BICDL1: variants seen among roughly 807,000 people sequenced by gnomAD.
BICDL1 encodes BICD family-like cargo adapter 1.
BICDL1 carries 20 observed loss-of-function variants against 76.8 expected under a neutral mutation model. The ratio of observed to expected loss-of-function variants is 0.26; its 90% CI spans 0.18 to 0.38. BICDL1 has a LOEUF of 0.38. Among genes scored for constraint, BICDL1 ranks in the 10% least tolerant of loss-of-function variants. The probability of loss-of-function intolerance (pLI) is 1.00; values close to 1 mark genes in which losing one functional copy is unlikely to be tolerated. For synonymous variants in BICDL1, 383 were observed against 337.1 expected (o/e 1.14, Z -1.49); for missense variants, 700 against 798.6 (o/e 0.88, Z 1.49).
At chr12:120,085,264 G>A (rs545860289) in intron 8 of BICDL1, among the ~76,000 whole-genome samples, 3 of 152,196 alleles carry the variant, frequency 2.0e-5, no homozygotes, top group African/African-American at 7.2e-5. Context: ...TGGCCAACAT[G>A]GTGAAACCCC....
rs548526347 is a variant in BICDL1 at position 119,998,898 on chromosome 12, T to A, written c.645+162T>A. Among the ~76,000 whole-genome samples the A allele has an allele frequency of 1.4e-4, 22 of 151,896 alleles. 1 individual carries two copies. In the South Asian group the frequency reaches 4.4e-3, roughly 30 times the overall value. On this transcript the variant is annotated intron_variant, in intron 2 of 9. Transcript: ENST00000548673. ...AGGGAGACCTCATCTCTACAAAAGTTTTTTAAAAATTAGCCAGGCATGGTG... is the reference window on the plus strand; with the variant it reads ...AGGGAGACCTCATCTCTACAAAAGTATTTTAAAAATTAGCCAGGCATGGTG...
chr12:120,077,643 T>C (rs949496048), intron 7 of BICDL1, among the ~76,000 whole-genome samples: 1 of 152,188 alleles, frequency 6.6e-6, no homozygotes, highest in Non-Finnish European at 1.5e-5. Context: ...GCCTGTGGGC[T>C]TCACTCGCCA....
At chr12:120,055,457 TA>T in intron 2 of BICDL1, among the ~76,000 whole-genome samples, 1 of 152,166 alleles carries the variant, frequency 6.6e-6, no homozygotes, top group Non-Finnish European at 1.5e-5. Flanking sequence ...GGGGAGGAAG[TA>T]ATCTGTCCTA....
At chr12:120,028,310 T>C (rs1254745765) in intron 2 of BICDL1, among the ~76,000 whole-genome samples, 1 of 152,196 alleles carries the variant, frequency 6.6e-6, no homozygotes, top group Non-Finnish European at 1.5e-5. Context: ...CTTCTTAGGC[T>C]CTTCTGTTTC....
chr12:120,059,131 T>C (rs1408280474), intron 2 of BICDL1, among the ~76,000 whole-genome samples: 2 of 152,178 alleles, frequency 1.3e-5, no homozygotes, highest in Non-Finnish European at 2.9e-5. Context: ...AGTCTTGCTC[T>C]GTTGCCCAGG....
chr12:120,022,174 C>T (rs1952198304), intron 2 of BICDL1, among the ~76,000 whole-genome samples: 1 of 150,132 alleles, frequency 6.7e-6, no homozygotes, highest in Admixed American at 6.6e-5. Flanking sequence ...ATGAGGAAGC[C>T]ATGTCAGATA....
intron 4 of BICDL1, among the ~76,000 whole-genome samples, chr12:120,070,354 T>C (rs1872992345): frequency 1.3e-5 from 2 of 152,224 alleles, no homozygotes; most frequent in Non-Finnish European, 2.9e-5. Flanking sequence ...TGATTATTTA[T>C]TGCAAAGGAT....
intron 5 of BICDL1, among the ~76,000 whole-genome samples, chr12:120,072,253 A>G (rs940472882): frequency 6.6e-6 from 1 of 152,256 alleles, no homozygotes; most frequent in Non-Finnish European, 1.5e-5. Context: ...GATTATATAA[A>G]GAAGTGCTTT....
At chr12:120,042,986 T>G (rs1230911395) in intron 2 of BICDL1, among the ~76,000 whole-genome samples, 1 of 152,120 alleles carries the variant, frequency 6.6e-6, no homozygotes, top group East Asian at 1.9e-4. Flanking sequence ...TGTGGTGGTG[T>G]AGTAGCACTC....
intron 2 of BICDL1, among the ~76,000 whole-genome samples, chr12:120,030,707 AATTAT>A (rs1235497549): frequency 1.3e-5 from 2 of 152,212 alleles, no homozygotes; most frequent in East Asian, 3.8e-4. Context: ...AGTTGCCTAG[AATTAT>A]ATGCTAATGA....
In BICDL1 at chr12:120,079,603, C is replaced by T. The variant is rs1362165494; in HGVS notation, c.1453-1284C>T. On this transcript the variant is annotated intron_variant, in intron 7 of 9. Transcript: ENST00000548673. The surrounding 1 kb of genome is among the most constrained non-coding windows in gnomAD (Gnocchi z 4.3). ...CTTATCAACTGAGAAGAAGGGGCTCCCACCCTTTCATTATTCAATAAATAT... is the reference window on the plus strand; with the variant it reads ...CTTATCAACTGAGAAGAAGGGGCTCTCACCCTTTCATTATTCAATAAATAT... 6.6e-6 allele frequency among the ~76,000 whole-genome samples: 1 copy of T among 152,102 alleles called. No individual in the cohort carries two copies. The highest frequency in any genetic ancestry group is 1.5e-5 in the Non-Finnish European group (1 of 68,032).
chr12:120,080,990 T>G lies in BICDL1; in HGVS notation c.1556T>G (p.Ile519Ser). 1 of 1,613,752 alleles carries G rather than the reference T, an allele frequency of 6.2e-7. No homozygotes were observed. Among genetic ancestry groups the G allele is most frequent in the South Asian group, 1.1e-5 (1 of 91,078 alleles). ...KEPKEQLQKA[I>S]RDRDEAIAKK... is the part of the protein sequence containing the mutation. ...CCAAAGGAGCAGCTTCAGAAGGCCA[T>G]CAGGGACCGCGACGAGGCCATTGCA... Residue 519 changes from isoleucine to serine, a missense_variant, in exon 8 of 10, where the codon ATC becomes AGC. By Grantham distance (142) the Ile-to-Ser change is moderately radical. Transcript: ENST00000548673.
intron 1 of BICDL1, among the ~76,000 whole-genome samples, chr12:119,991,526 A>G (rs552031802): frequency 6.6e-6 from 1 of 152,238 alleles, no homozygotes; most frequent in East Asian, 1.9e-4. Flanking sequence ...TCGTTTGTGA[A>G]ACCTATAGGT....
At position 119,993,991 on chromosome 12, in the gene BICDL1, T is replaced by C. The variant is rs1288382717; in HGVS notation, c.429+3694T>C. On this transcript the variant is annotated intron_variant, in intron 1 of 9. Coordinates refer to ENST00000548673, the MANE Select transcript of BICDL1 (RefSeq NM_001367886.1). The stretch of plus-strand genomic sequence containing the variant: ...ATTAGCCGTTTTGCTTTAAAACTTA[T>C]ATCCGGTCATGTCCTTAGCTTTTTC... 7.2e-5 allele frequency among the ~76,000 whole-genome samples: 11 copies of C among 152,388 alleles called. 1 individual carries two copies. Among genetic ancestry groups the C allele is most frequent in the South Asian group, 2.1e-4 (1 of 4,834 alleles).
chr12:119,998,642 A>G lies in BICDL1; in HGVS notation c.551A>G (p.Gln184Arg), dbSNP rs1951698909. ...VKQLQDELER[Q>R]QIHLREADRE... ...CAGCTACAGGATGAGTTGGAGAGGC[A>G]GCAGATTCATCTGCGGGAAGCAGAT... Residue 184 changes from glutamine (Q) to arginine (R), a missense_variant, in exon 2 of 10, where the codon CAG becomes CGG. Transcript: ENST00000548673. The G allele has an allele frequency of 6.2e-7, 1 of 1,614,184 alleles. No individual in the cohort carries two copies.
chr12:120,077,864 C>T (rs1873681469), intron 7 of BICDL1, among the ~76,000 whole-genome samples: 1 of 145,796 alleles, frequency 6.9e-6, no homozygotes, highest in South Asian at 2.4e-4. Context: ...ACGCCCCTTA[C>T]AAGTTCTGGG....
intron 7 of BICDL1, among the ~76,000 whole-genome samples, chr12:120,075,270 T>C (rs749169659): frequency 6.6e-6 from 1 of 152,128 alleles, no homozygotes; most frequent in Non-Finnish European, 1.5e-5. Flanking sequence ...AAGCAGCATC[T>C]AAACCTTGCT....
At chr12:120,007,550 G>A (rs1172097441) in intron 2 of BICDL1, among the ~76,000 whole-genome samples, 1 of 152,178 alleles carries the variant, frequency 6.6e-6, no homozygotes, top group African/African-American at 2.4e-5. Flanking sequence ...GCAAACAGAT[G>A]CTTTGTCTGT....
rs1951473037 is a variant in BICDL1, at chr12:119,989,797, A to T, written c.-72A>T. 4.5e-6 allele frequency: 3 copies of T among 659,348 alleles called. No homozygotes were observed. Among genetic ancestry groups the T allele is most frequent in the Non-Finnish European group, 5.6e-6 (3 of 531,026 alleles). 40.8% of individuals were successfully genotyped at this position (659,348 alleles called of 1,614,324 possible). A position where few individuals can be genotyped will look rare whatever the true frequency, so the allele number is the denominator to read the frequency against. On this transcript the variant is annotated 5_prime_UTR_variant, in exon 1 of 10. Coordinates refer to ENST00000548673, the MANE Select transcript of BICDL1 (RefSeq NM_001367886.1). Reference sequence around the variant, plus strand: ...GGCGCGGGACGCGGGGCGGCGCGGCAGGGCCCCTCCCCCCTGCAGCCTGGC... The same window carrying T: ...GGCGCGGGACGCGGGGCGGCGCGGCTGGGCCCCTCCCCCCTGCAGCCTGGC...
Sources: gnomAD v4.1 joint callset for allele counts (sites outside exome capture counted in the v4.1 genomes callset) on GRCh38, gnomAD v4.1.1 for gene constraint, Gnocchi (gnomAD v3.1) non-coding constraint, MANE v1.5 for transcripts, NCBI Gene and HGNC (gene_info 2026-07-23, HGNC 2026-07-21) for gene names.